The following PCDHGA4 variants were observed in gnomAD, a reference collection of about 807,000 sequenced individuals.
PCDHGA4 encodes the protein protocadherin gamma subfamily A, 4.
Under a neutral mutation model 54.6 loss-of-function variants are expected in PCDHGA4, and 38 were observed. That is an observed-to-expected ratio of 0.70 (90% CI 0.54 to 0.91). The LOEUF is 0.91. PCDHGA4 is among the 40% of genes least tolerant of loss of function. PCDHGA4 has a pLI of 0.00. For synonymous variants in PCDHGA4, 511 were observed against 512.9 expected, an observed-to-expected ratio of 1.00 and a Z score of 0.05; for missense variants, 1,298 against 1,220.9, an observed-to-expected ratio of 1.06 and a Z score of -0.94.
intron 1 of PCDHGA4, among the ~76,000 whole-genome samples, chr5:141,442,789 T>C (rs2098343347): frequency 6.6e-6 from 1 of 152,196 alleles, no homozygotes; most frequent in African/African-American, 2.4e-5. Flanking sequence ...ATTTTATAAT[T>C]TTACTTTGAT....
intron 1 of PCDHGA4, chr5:141,420,034 C>T (rs373590502): frequency 7.8e-5 from 126 of 1,613,970 alleles, no homozygotes; most frequent in Non-Finnish European, 9.3e-5. Context: ...CTGCAGGAGA[C>T]TGCTTTGAGT....
rs570306240 is a variant in PCDHGA4 at position 141,356,628 on chromosome 5, T to G, written c.1521T>G (p.Ala507=). 6.2e-7 allele frequency: 1 copy of G among 1,614,104 alleles called. No individual in the cohort carries two copies. The highest frequency in any genetic ancestry group is 1.3e-5 in the African/African-American group (1 of 75,020). ...PRGASILSMT[A]QDPDSGDNAR... ...GAGCCTCCATCTTATCTATGACTGC[T>G]CAAGACCCTGACAGTGGTGACAATG... The change falls in exon 1 of 4, where the codon GCT becomes GCG. Residue 507 remains alanine (A), a synonymous_variant. Coordinates refer to ENST00000571252, the MANE Select transcript of PCDHGA4 (RefSeq NM_018917.4).
intron 1 of PCDHGA4, among the ~76,000 whole-genome samples, chr5:141,443,008 T>C (rs2098358096): frequency 1.3e-5 from 2 of 152,220 alleles, no homozygotes; most frequent in Admixed American, 1.3e-4. Context: ...TCTAAGAATA[T>C]GACTAATGGA....
At chr5:141,397,753 A>G (rs1052800196) in intron 1 of PCDHGA4, among the ~76,000 whole-genome samples, 9 of 152,266 alleles carry the variant, frequency 5.9e-5, no homozygotes, top group African/African-American at 9.6e-5. Flanking sequence ...AGAAGTTGTT[A>G]TAATTTTTTA....
At chr5:141,464,418 T>C (rs1244881278) in intron 1 of PCDHGA4, among the ~76,000 whole-genome samples, 2 of 151,652 alleles carry the variant, frequency 1.3e-5, no homozygotes, top group Non-Finnish European at 2.9e-5. Flanking sequence ...TATATATCTA[T>C]ATATATAGAT....
Position 141,374,676 on chromosome 5 carries a change from G to A in PCDHGA4, c.2514+17055G>A, listed in dbSNP as rs372705367. 2.7e-5 allele frequency: 43 copies of A among 1,610,386 alleles called. No homozygotes were observed. In the African/African-American group the frequency reaches 5.5e-4, roughly 21 times the overall value. On this transcript the variant is annotated intron_variant, in intron 1 of 3. Transcript: ENST00000571252. The stretch of plus-strand genomic sequence containing the variant: ...AAGTACCCGGAGCTGGTGCTGGAGG[G>A]CACACTGGACCGGGAAGGAGAAGCC...
chr5:141,470,671 C>T (rs2099236433), intron 1 of PCDHGA4, among the ~76,000 whole-genome samples: 1 of 152,064 alleles, frequency 6.6e-6, no homozygotes, highest in African/African-American at 2.4e-5. Context: ...TAGGGCTCTG[C>T]TGTTACCATC....
intron 1 of PCDHGA4, chr5:141,362,063 T>A: frequency 6.2e-7 from 1 of 1,612,390 alleles, no homozygotes. Flanking sequence ...CAGCGCCTGC[T>A]GGTCGCTGTG....
chr5:141,374,721 C>T, intron 1 of PCDHGA4: 1 of 1,610,366 alleles, frequency 6.2e-7, no homozygotes, highest in Non-Finnish European at 8.5e-7. Context: ...CTGGTCCTTA[C>T]TGCCATGGAT....
At chr5:141,408,052 C>T in intron 1 of PCDHGA4, 1 of 1,283,102 alleles carries the variant, frequency 7.8e-7, no homozygotes, top group Non-Finnish European at 1.0e-6. Context: ...CACACAGAGC[C>T]TCCCGGCTGC....
chr5:141,387,276 GAAAGAAAGATA>G (rs2090886505), intron 1 of PCDHGA4, among the ~76,000 whole-genome samples: 1 of 152,142 alleles, frequency 6.6e-6, no homozygotes, highest in Non-Finnish European at 1.5e-5. Context: ...TAGGAACAAT[GAAAGAAAGATA>G]AAATGTATCC....
chr5:141,447,658 A>C (rs114314834), intron 1 of PCDHGA4, among the ~76,000 whole-genome samples: 3,576 of 152,302 alleles, frequency 0.023, 90 homozygotes, highest in Non-Finnish European at 0.03. Context: ...TTTCCCCCCC[A>C]GGAAGTTAGA....
At chr5:141,400,514 A>T in intron 1 of PCDHGA4, 1 of 1,613,950 alleles carries the variant, frequency 6.2e-7, no homozygotes, top group South Asian at 1.1e-5. Context: ...TCGACTTCCC[A>T]TCCTGAGTTG....
At chr5:141,421,794 G>A in intron 1 of PCDHGA4, 1 of 1,613,788 alleles carries the variant, frequency 6.2e-7, no homozygotes, top group Non-Finnish European at 8.5e-7. Flanking sequence ...GAACGGATGG[G>A]GCCAAGAATC....
At position 141,427,298 on chromosome 5, in the gene PCDHGA4, G is replaced by A. The variant is rs960474831; in HGVS notation, c.2515-67509G>A. The A allele has an allele frequency of 8.8e-6, 4 of 456,870 alleles. No individual in the cohort carries two copies. The Admixed American group carries it at 9.4e-5, about 11-fold the overall frequency. 28.3% of individuals were successfully genotyped at this position (456,870 alleles called of 1,614,324 possible). A position where few individuals can be genotyped will look rare whatever the true frequency, so the allele number is the denominator to read the frequency against. On this transcript the variant is annotated intron_variant, in intron 1 of 3. Coordinates refer to ENST00000571252, the MANE Select transcript of PCDHGA4 (RefSeq NM_018917.4). ...AAATTATACTAGAAATCCTAGATGA[G>A]AATGACAATGCCCCAGACGTGGTTT...
intron 1 of PCDHGA4, chr5:141,362,561 G>A (rs1416019755): frequency 1.2e-6 from 2 of 1,608,622 alleles, no homozygotes; most frequent in Middle Eastern, 1.7e-4. Context: ...TTGAAGGTGA[G>A]CTTTAATTAA....
At position 141,462,908 on chromosome 5, in the gene PCDHGA4, T is replaced by G. The variant is rs186061013; in HGVS notation, c.2515-31899T>G. ...AGTTTGTTTTGGAAGGCTATTATGT[T>G]TTTTGCAGATCAGGTTGATCTTTTC... On this transcript the variant is annotated intron_variant, in intron 1 of 3. Coordinates refer to ENST00000571252, the MANE Select transcript of PCDHGA4 (RefSeq NM_018917.4). Among the ~76,000 whole-genome samples the G allele has an allele frequency of 1.4e-4, 21 of 152,362 alleles. No individual in the cohort carries two copies. The East Asian group carries it at 3.5e-3, about 25-fold the overall frequency.
chr5:141,433,262 T>C (rs2097580507), intron 1 of PCDHGA4: 1 of 1,339,318 alleles, frequency 7.5e-7, no homozygotes, highest in Non-Finnish European at 1.0e-6. Context: ...GGTACGATCA[T>C]AGCTCACTGC....
At chr5:141,455,449 G>A (rs1421095381) in intron 1 of PCDHGA4, among the ~76,000 whole-genome samples, 1 of 152,126 alleles carries the variant, frequency 6.6e-6, no homozygotes, top group Non-Finnish European at 1.5e-5. Flanking sequence ...CATCTACCGC[G>A]GATACCAGCC....
Sources: gnomAD v4.1 joint callset for allele counts (sites outside exome capture counted in the v4.1 genomes callset) on GRCh38, gnomAD v4.1.1 for gene constraint, MANE v1.5 for transcripts, NCBI Gene and HGNC (gene_info 2026-07-23, HGNC 2026-07-21) for gene names.